Variants in JHY observed in about 807,000 individuals in gnomAD.
The protein encoded by JHY is jhy protein homolog.
JHY carries 69 observed loss-of-function variants against 78.0 expected under a neutral mutation model. That is an observed-to-expected ratio of 0.88 (90% CI 0.73 to 1.08). JHY has a LOEUF of 1.08. JHY is among the 50% of genes least tolerant of loss of function. The pLI, the probability that JHY is intolerant of heterozygous loss-of-function variation, is 0.00. For synonymous variants in JHY, 368 were observed against 342.6 expected, an observed-to-expected ratio of 1.07 and a Z score of -0.82; for missense variants, 944 against 927.8, an observed-to-expected ratio of 1.02 and a Z score of -0.23.
chr11:122,943,287 A>G (rs1378457976), intron 5 of JHY, among the ~76,000 whole-genome samples: 1 of 152,252 alleles, frequency 6.6e-6, no homozygotes, highest in African/African-American at 2.4e-5. Context: ...ATTTATTGTT[A>G]TATATCTAAC....
intron 4 of JHY, among the ~76,000 whole-genome samples, chr11:122,929,031 G>A (rs1863579331): frequency 6.6e-6 from 1 of 151,842 alleles, no homozygotes; most frequent in African/African-American, 2.4e-5. Context: ...CACAACCTCT[G>A]CCTACCAGGT....
chr11:122,955,539 A>C (rs1024284598), intron 6 of JHY, among the ~76,000 whole-genome samples: 1 of 152,120 alleles, frequency 6.6e-6, no homozygotes, highest in Non-Finnish European at 1.5e-5. Flanking sequence ...CAGGTGCCAT[A>C]ATCTAATCAG....
chr11:122,928,568 C>A (rs1283025527), intron 4 of JHY, among the ~76,000 whole-genome samples: 13 of 139,944 alleles, frequency 9.3e-5, no homozygotes, highest in South Asian at 2.2e-4. Flanking sequence ...AAAAAAAAAA[C>A]AAGCAAACAA....
In JHY at chr11:122,931,022, G is replaced by C. The variant is rs75227544; in HGVS notation, c.979-3398G>C. ...TCACTGTGTCCTCACACAATGGAGG[G>C]GGGGAATGAGCTTCCTTGAGCCTAT... On this transcript the variant is annotated intron_variant, in intron 4 of 8. Transcript: ENST00000227349. 7.3e-3 allele frequency among the ~76,000 whole-genome samples: 1,105 copies of C among 152,248 alleles called. 17 individuals carry two copies. Among genetic ancestry groups the C allele is most frequent in the African/African-American group, 0.025 (1,036 of 41,526 alleles).
chr11:122,949,720 G>A (rs1484068842), intron 6 of JHY, among the ~76,000 whole-genome samples: 3 of 152,110 alleles, frequency 2.0e-5, no homozygotes, highest in Non-Finnish European at 4.4e-5. Flanking sequence ...CCTCTGCTGG[G>A]GACGGGACCC....
chr11:122,887,495 G>A (rs1862520042), intron 2 of JHY, among the ~76,000 whole-genome samples: 1 of 152,062 alleles, frequency 6.6e-6, no homozygotes, highest in South Asian at 2.1e-4. Flanking sequence ...GCTAATTTTT[G>A]CATTTTTAGT....
At chr11:122,946,970 C>T (rs1591397046) in intron 6 of JHY, 178 bp downstream of exon 6, 1 of 638,268 alleles carries the variant, frequency 1.6e-6, no homozygotes, top group Non-Finnish European at 2.5e-6. Context: ...GGTTTCCCTC[C>T]CCTTCTTAAT....
intron 2 of JHY, among the ~76,000 whole-genome samples, chr11:122,901,200 A>G (rs1007652451): frequency 1.3e-5 from 2 of 152,230 alleles, no homozygotes; most frequent in Admixed American, 1.3e-4. Flanking sequence ...GAAAAGGTAC[A>G]GTAAAAATAA....
chr11:122,924,678 C>T (rs11218890), intron 3 of JHY, among the ~76,000 whole-genome samples: 35,387 of 152,082 alleles, frequency 0.23, 4,647 homozygotes, highest in Middle Eastern at 0.3. Context: ...CCTTAACGCA[C>T]CAGTTTTCTC....
At chr11:122,915,903 C>A (rs1484221734) in intron 3 of JHY, among the ~76,000 whole-genome samples, 1 of 152,114 alleles carries the variant, frequency 6.6e-6, no homozygotes, top group Non-Finnish European at 1.5e-5. Context: ...CGTGAAAGAA[C>A]ACTAAGTAGA....
chr11:122,907,747 G>A (rs1237048017), intron 3 of JHY, among the ~76,000 whole-genome samples: 2 of 151,240 alleles, frequency 1.3e-5, no homozygotes, highest in Non-Finnish European at 2.9e-5. Flanking sequence ...GGGAGGCTGA[G>A]GCAGGAGAAT....
chr11:122,955,090 A>G (rs961903848), intron 6 of JHY, among the ~76,000 whole-genome samples: 1 of 152,166 alleles, frequency 6.6e-6, no homozygotes, highest in Non-Finnish European at 1.5e-5. Context: ...CTGTAAGGGG[A>G]AGTAGCGAGT....
intron 2 of JHY, among the ~76,000 whole-genome samples, chr11:122,888,672 T>C (rs1324398055): frequency 6.6e-6 from 1 of 152,176 alleles, no homozygotes; most frequent in Non-Finnish European, 1.5e-5. Flanking sequence ...AGTTTCCATG[T>C]ACCCCCTTCT....
intron 6 of JHY, among the ~76,000 whole-genome samples, chr11:122,955,707 C>T (rs1864176418): frequency 6.6e-6 from 1 of 152,152 alleles, no homozygotes; most frequent in Non-Finnish European, 1.5e-5. Context: ...CAAACACTTA[C>T]TTTTCTCTTG....
chr11:122,930,988 G>A (rs944230090), intron 4 of JHY, among the ~76,000 whole-genome samples: 10 of 152,156 alleles, frequency 6.6e-5, no homozygotes, highest in African/African-American at 2.4e-4. Context: ...GTTCATTGGT[G>A]ATGCTTTCTC....
intron 3 of JHY, among the ~76,000 whole-genome samples, chr11:122,924,602 A>G (rs981639068): frequency 6.6e-6 from 1 of 152,178 alleles, no homozygotes; most frequent in Non-Finnish European, 1.5e-5. Context: ...CATCCAGTTC[A>G]GATAACTGTT....
Position 122,960,646 on chromosome 11 carries a change from T to C in JHY, c.*1201T>C. On this transcript the variant is annotated 3_prime_UTR_variant, in exon 9 of 9. Transcript: ENST00000227349. ...CCAGAGACCTTTTCTACTATATCAA[T>C]AGTAGGGTTACTTGTCTATGTAATT... 2.8e-6 allele frequency: 1 copy of C among 355,234 alleles called. No individual in the cohort carries two copies. Among genetic ancestry groups the C allele is most frequent in the Non-Finnish European group, 5.7e-6 (1 of 176,436 alleles). The allele number at this position is 355,234 out of a possible 1,614,324, so 22.0% of individuals were successfully genotyped here.
Position 122,924,919 on chromosome 11 carries a change from C to T in JHY, c.887C>T (p.Thr296Ile). 6.2e-7 allele frequency: 1 copy of T among 1,613,742 alleles called. No homozygotes were observed. The highest frequency in any genetic ancestry group is 8.5e-7 in the Non-Finnish European group (1 of 1,179,688). The change falls in exon 4 of 9, where the codon ACA becomes ATA. Residue 296 changes from threonine (T) to isoleucine (I), a missense_variant. Physicochemically the swap from Thr to Ile is moderately conservative, Grantham distance 89 (BLOSUM62 -1). Coordinates refer to ENST00000227349, the MANE Select transcript of JHY (RefSeq NM_024806.4). Reference protein sequence around the residue: ...PEQISYPVRVTDKTSIQNAKE... With the variant: ...PEQISYPVRVIDKTSIQNAKE... ...TAGATCTCCTACCCCGTCAGAGTAA[C>T]AGACAAGACGTCTATTCAGAATGCC...
intron 5 of JHY, among the ~76,000 whole-genome samples, chr11:122,938,528 G>A (rs1863805102): frequency 6.6e-6 from 1 of 152,048 alleles, no homozygotes; most frequent in Admixed American, 6.6e-5. Flanking sequence ...GGCAAAATAG[G>A]GTGTAAGGGC....
Sources: allele counts gnomAD v4.1 joint callset (sites outside exome capture counted in the v4.1 genomes callset), GRCh38; gene constraint gnomAD v4.1.1; transcripts MANE v1.5; gene names NCBI Gene and HGNC (gene_info 2026-07-23, HGNC 2026-07-21).